NELFA: variants seen among roughly 807,000 people sequenced by gnomAD.
NELFA encodes negative elongation factor A.
Under a neutral mutation model 51.8 loss-of-function variants are expected in NELFA, and 35 were observed. The observed-to-expected ratio is 0.68, with a 90% CI of 0.52 to 0.90. The LOEUF (loss-of-function observed/expected upper bound fraction) is 0.90, where lower values mean the gene tolerates loss of function less well. NELFA is among the 40% of genes least tolerant of loss of function. The pLI, the probability that NELFA is intolerant of heterozygous loss-of-function variation, is 0.00. For missense variants in NELFA, 658 were observed against 746.4 expected, an observed-to-expected ratio of 0.88 and a Z score of 1.38; for synonymous variants, 417 against 338.4, an observed-to-expected ratio of 1.23 and a Z score of -2.55.
At chr4:2,008,649 A>C in intron 1 of NELFA, 101 bp downstream of exon 1, 3 of 1,199,262 alleles carry the variant, frequency 2.5e-6, no homozygotes, top group Non-Finnish European at 3.3e-6. Flanking sequence ...GGGGGATGGG[A>C]AGGTTGGGGG....
chr4:1,996,409 A>G (rs1728425220), intron 1 of NELFA, among the ~76,000 whole-genome samples: 1 of 152,212 alleles, frequency 6.6e-6, no homozygotes, highest in African/African-American at 2.4e-5. Flanking sequence ...ACGCACATAC[A>G]CACACGAAAA....
chr4:1,996,254 G>A (rs1256955969), intron 1 of NELFA, among the ~76,000 whole-genome samples: 1 of 152,124 alleles, frequency 6.6e-6, no homozygotes, highest in Non-Finnish European at 1.5e-5. Flanking sequence ...CTCCAATGTA[G>A]GGAAATTATG....
intron 1 of NELFA, among the ~76,000 whole-genome samples, chr4:1,999,673 C>T (rs890364201): frequency 6.6e-6 from 1 of 152,204 alleles, no homozygotes; most frequent in Non-Finnish European, 1.5e-5. Flanking sequence ...GAGACTTAGA[C>T]TCCCACACAA....
At chr4:1,993,142 C>T (rs1342655430) in intron 1 of NELFA, among the ~76,000 whole-genome samples, 1 of 152,174 alleles carries the variant, frequency 6.6e-6, no homozygotes, top group Admixed American at 6.5e-5. Flanking sequence ...GAGGCAAGCG[C>T]GCGGCATTTT....
At position 1,989,792 on chromosome 4, in the gene NELFA, C is replaced by T; in HGVS notation, c.460G>A (p.Gly154Arg). Reference sequence around the variant, plus strand: ...TGCTTCACCGGGGGAGTGAGGGGTCCCGCGAGGGTCGTCAGGGCGTTTTTG... The same window carrying T: ...TGCTTCACCGGGGGAGTGAGGGGTCTCGCGAGGGTCGTCAGGGCGTTTTTG... ...LNKNALTTLAGPLTPPVKHFQ... is the reference protein window; with the variant it reads ...LNKNALTTLARPLTPPVKHFQ... Residue 154 changes from glycine (G) to arginine (R), a missense_variant, in exon 3 of 11, where the codon GGA becomes AGA. Gly to Arg is a moderately radical substitution (Grantham distance 125). Coordinates refer to ENST00000382882, the MANE Select transcript of NELFA (RefSeq NM_005663.5). The surrounding 1 kb of genome is among the most constrained non-coding windows in gnomAD (Gnocchi z 4.8). The T allele has an allele frequency of 6.2e-7, 1 of 1,614,180 alleles. No homozygotes were observed. Among genetic ancestry groups the T allele is most frequent in the African/African-American group, 1.3e-5 (1 of 75,058 alleles).
At chr4:2,006,096 A>G (rs1160657925) in intron 1 of NELFA, among the ~76,000 whole-genome samples, 3 of 152,240 alleles carry the variant, frequency 2.0e-5, no homozygotes, top group Admixed American at 6.5e-5. Flanking sequence ...CAAGGCTTAT[A>G]AATAAAGTGA....
intron 2 of NELFA, among the ~76,000 whole-genome samples, chr4:1,990,211 C>T (rs1451854324): frequency 2.0e-5 from 3 of 152,166 alleles, no homozygotes; most frequent in African/African-American, 4.8e-5. Context: ...CAGATCCCAC[C>T]CCCACGTAAG....
intron 3 of NELFA, 113 bp from the exon 4 acceptor site, chr4:1,988,120 ATT>A: frequency 1.2e-6 from 1 of 852,670 alleles, no homozygotes; most frequent in Non-Finnish European, 1.8e-6. Context: ...TGAACGCTGC[ATT>A]CTCTCTAAAT....
intron 1 of NELFA, among the ~76,000 whole-genome samples, chr4:2,002,620 C>A (rs1453933994): frequency 6.6e-6 from 1 of 152,160 alleles, no homozygotes. Flanking sequence ...CTGACAAAAA[C>A]AAGCGATGGG....
chr4:1,999,342 C>T (rs1728513258), intron 1 of NELFA, among the ~76,000 whole-genome samples: 1 of 151,960 alleles, frequency 6.6e-6, no homozygotes, highest in East Asian at 1.9e-4. Flanking sequence ...TTAAAAGACA[C>T]AGACTGGCAA....
intron 4 of NELFA, chr4:1,987,666 C>G: frequency 2.0e-6 from 1 of 502,202 alleles, no homozygotes; most frequent in Non-Finnish European, 3.5e-6. Flanking sequence ...CCCGGCCTTC[C>G]TGTCTCCGTG....
At chr4:2,001,117 T>A (rs1303047432) in intron 1 of NELFA, among the ~76,000 whole-genome samples, 1 of 152,134 alleles carries the variant, frequency 6.6e-6, no homozygotes, top group Non-Finnish European at 1.5e-5. Flanking sequence ...AAACTCTCAA[T>A]AAGCTAGGTA....
intron 1 of NELFA, among the ~76,000 whole-genome samples, chr4:2,002,623 G>A (rs1317799966): frequency 2.0e-5 from 3 of 152,106 alleles, no homozygotes; most frequent in Non-Finnish European, 2.9e-5. Context: ...ACAAAAACAA[G>A]CGATGGGGAA....
intron 2 of NELFA, chr4:1,990,141 C>T (rs1302786097): frequency 1.2e-5 from 6 of 498,890 alleles, no homozygotes; most frequent in Middle Eastern, 5.6e-4. Flanking sequence ...GAACCACAGG[C>T]GGACATAGAT....
intron 1 of NELFA, among the ~76,000 whole-genome samples, chr4:2,002,892 TTAAAC>T (rs1386075628): frequency 2.6e-5 from 4 of 152,130 alleles, no homozygotes; most frequent in African/African-American, 9.7e-5. Flanking sequence ...TGGGATCTAA[TTAAAC>T]TAAAGAGCTT....
intron 1 of NELFA, chr4:1,992,545 G>C (rs1209205547): frequency 2.8e-6 from 1 of 357,482 alleles, no homozygotes; most frequent in East Asian, 1.2e-4. Context: ...AGACAGCTGG[G>C]CTGGCTGGCG....
intron 7 of NELFA, 72 bp from the exon 8 acceptor site, chr4:1,984,991 C>T (rs1728039148): frequency 8.8e-7 from 1 of 1,137,566 alleles, no homozygotes; most frequent in Admixed American, 2.3e-5. Flanking sequence ...ATGGCCCGAC[C>T]CGGAGCTCCA....
rs1235800359 is a variant in NELFA at position 1,989,876 on chromosome 4, G to A, written c.383-7C>T. On this transcript the variant is annotated splice_region_variant and splice_polypyrimidine_tract_variant and intron_variant, in intron 2 of 10. Transcript: ENST00000382882. This position sits in a 1 kb window ranked among gnomAD's most constrained non-coding sequence, Gnocchi z 4.8. ...GACGCTTCACACTCACCCACTGCCG[G>A]TAAGAACCACATGAAGTTAGGGGCG... 1.2e-6 allele frequency: 2 copies of A among 1,611,694 alleles called. No homozygotes were observed. Among genetic ancestry groups the A allele is most frequent in the Non-Finnish European group, 1.7e-6 (2 of 1,178,954 alleles).
At chr4:2,006,154 A>G (rs1216603160) in intron 1 of NELFA, among the ~76,000 whole-genome samples, 1 of 152,232 alleles carries the variant, frequency 6.6e-6, no homozygotes, top group Non-Finnish European at 1.5e-5. Flanking sequence ...GTAAATGACC[A>G]AAAGAACAGA....
Sources: allele counts gnomAD v4.1 joint callset (sites outside exome capture counted in the v4.1 genomes callset), GRCh38; gene constraint gnomAD v4.1.1; non-coding constraint Gnocchi (gnomAD v3.1); transcripts MANE v1.5; gene names NCBI Gene and HGNC (gene_info 2026-07-23, HGNC 2026-07-21).